The following NFXL1 variants were observed in gnomAD, a reference collection of about 807,000 sequenced individuals.
NFXL1 encodes nuclear transcription factor, X-box binding like 1, also known as NF-X1-type zinc finger protein NFXL1.
NFXL1 carries 66 observed loss-of-function variants against 123.3 expected under a neutral mutation model. The ratio of observed to expected loss-of-function variants is 0.54; its 90% CI spans 0.44 to 0.66. The LOEUF is 0.66. Ranked by LOEUF, NFXL1 falls within the 30% of genes least tolerant of loss-of-function variation. The probability of loss-of-function intolerance (pLI) is 0.00; values close to 1 mark genes in which losing one functional copy is unlikely to be tolerated. For synonymous variants in NFXL1, 346 were observed against 360.8 expected, an observed-to-expected ratio of 0.96 and a Z score of 0.46; for missense variants, 944 against 1,125.6, an observed-to-expected ratio of 0.84 and a Z score of 2.31.
intron 10 of NFXL1, among the ~76,000 whole-genome samples, chr4:47,895,915 CCTTT>C (rs1215392301): frequency 3.3e-5 from 5 of 152,272 alleles, no homozygotes; most frequent in African/African-American, 1.2e-4. Context: ...TGTGACTCTT[CCTTT>C]CACTTGAACA....
chr4:47,899,013 A>G lies in NFXL1; in HGVS notation c.934T>C (p.Cys312Arg). 1 of 1,614,092 alleles carries G rather than the reference A, an allele frequency of 6.2e-7. No individual in the cohort carries two copies. The highest frequency in any genetic ancestry group is 8.5e-7 in the Non-Finnish European group (1 of 1,180,002). Residue 312 changes from cysteine (C) to arginine (R), a missense_variant, in exon 7 of 23, where the codon TGT becomes CGT. Physicochemically the swap from Cys to Arg is radical, Grantham distance 180. This residue lies in a region of NFXL1 where 296 missense variants were observed against 395.1 expected (regional missense o/e 0.75). Coordinates refer to ENST00000507489, the MANE Select transcript of NFXL1 (RefSeq NM_001278624.2). ...SAKEWSCQLP[C>R]GQKLLCGQHK... ...TGCCCACAAAGCAACTTCTGTCCAC[A>G]TGGCAGCTGACAAGACCATTCCTTG...
rs151113647 is a variant in NFXL1, at chr4:47,885,635, T to C, written c.1687A>G (p.Thr563Ala). ...TGACAGCGATGTTTTTCTTGACTTG[T>C]ATGATGACAAGTTGGTGGTCGACTA... is the stretch of plus-strand genomic sequence containing the variant. The part of the protein sequence containing the change: ...QCSRPPTCHH[T>A]SQEKHRCHFG... Residue 563 changes from threonine to alanine, a missense_variant, in exon 14 of 23, where the codon ACA (threonine) becomes GCA (alanine). By Grantham distance (58) the Thr-to-Ala change is moderately conservative. Coordinates refer to ENST00000507489, the MANE Select transcript of NFXL1 (RefSeq NM_001278624.2). 5.5e-5 allele frequency: 88 copies of C among 1,613,632 alleles called. No homozygotes were observed. Among genetic ancestry groups the C allele is most frequent in the African/African-American group, 1.3e-4 (10 of 74,930 alleles).
intron 12 of NFXL1, 34 bp from the exon 13 acceptor site, chr4:47,886,033 T>C: frequency 6.2e-7 from 1 of 1,603,942 alleles, no homozygotes; most frequent in African/African-American, 1.3e-5. Context: ...AAAAGTTTCC[T>C]TAACTACCCA....
At chr4:47,884,126 G>C (rs950580760) in intron 15 of NFXL1, among the ~76,000 whole-genome samples, 1 of 152,022 alleles carries the variant, frequency 6.6e-6, no homozygotes, top group African/African-American at 2.4e-5. Context: ...CTCCAACTGG[G>C]GGTAAAGACT....
intron 11 of NFXL1, among the ~76,000 whole-genome samples, chr4:47,893,915 T>C (rs1736923169): frequency 2.4e-5 from 1 of 41,394 alleles, no homozygotes; most frequent in Admixed American, 2.4e-4. Flanking sequence ...TACATTTCAG[T>C]GATCAGAAAT....
intron 2 of NFXL1, among the ~76,000 whole-genome samples, chr4:47,912,237 A>G (rs192036588): frequency 2.0e-5 from 3 of 152,298 alleles, no homozygotes; most frequent in East Asian, 1.9e-4. Flanking sequence ...AAAAGAGATG[A>G]TAAATGTCAT....
In NFXL1 at chr4:47,903,313, C is replaced by T. The variant is rs1737428327; in HGVS notation, c.527G>A (p.Cys176Tyr). The change falls in exon 5 of 23, where the codon TGT (cysteine) becomes TAT (tyrosine). Residue 176 changes from cysteine to tyrosine, a missense_variant. By Grantham distance (194) the Cys-to-Tyr change is radical. Transcript: ENST00000507489. ...GTGAAATATACAGAAACATCCCGAACAGCTCCAAACCTAAGACAAATGTAT... is the reference window on the plus strand; with the variant it reads ...GTGAAATATACAGAAACATCCCGAATAGCTCCAAACCTAAGACAAATGTAT... ...SVKRNQAVWS[C>Y]SGCFCIFHMP... 1 of 1,547,092 alleles carries T rather than the reference C, an allele frequency of 6.5e-7. No individual in the cohort carries two copies. The highest frequency in any genetic ancestry group is 8.7e-7 in the Non-Finnish European group (1 of 1,151,488).
chr4:47,852,033 GT>G (rs979105565), intron 20 of NFXL1, 91 bp from the exon 21 acceptor site: 2 of 750,434 alleles, frequency 2.7e-6, no homozygotes, highest in African/African-American at 3.5e-5. Context: ...ATAGCTTAAG[GT>G]TATAAGTATT....
At position 47,851,941 on chromosome 4, in the gene NFXL1, T is replaced by G; in HGVS notation, c.2423A>C (p.Glu808Ala). The change falls in exon 21 of 23, where the codon GAA (glutamate) becomes GCA (alanine). Residue 808 changes from glutamate to alanine, a missense_variant and splice_region_variant. Around this residue, in one of 4 missense-constraint regions of NFXL1, gnomAD observed 301 missense variants for 348.0 expected, o/e 0.86. Coordinates refer to ENST00000507489, the MANE Select transcript of NFXL1 (RefSeq NM_001278624.2). ...TTCACGTACTTTGTTGCACTGCAAT[T>G]CCTACAAACAACCCGATTTTCAAAT... ...LRCPCKRIKK[E>A]LQCNKVRENQ... 1.2e-6 allele frequency: 2 copies of G among 1,603,328 alleles called. No homozygotes were observed. Among genetic ancestry groups the G allele is most frequent in the Non-Finnish European group, 1.7e-6 (2 of 1,171,302 alleles).
chr4:47,885,408 C>CTTAA, intron 14 of NFXL1, 90 bp downstream of exon 14: 1 of 1,067,078 alleles, frequency 9.4e-7, no homozygotes, highest in Non-Finnish European at 1.4e-6. Flanking sequence ...CCAATAAGTG[C>CTTAA]TTAATCATTG....
intron 22 of NFXL1, 71 bp from the exon 23 acceptor site, chr4:47,848,407 A>AAATCC: frequency 8.2e-7 from 1 of 1,221,772 alleles, no homozygotes; most frequent in Non-Finnish European, 1.2e-6. Flanking sequence ...ATTTACATAA[A>AAATCC]AATCAATTTG....
chr4:47,864,296 T>C (rs1734931236), intron 18 of NFXL1, among the ~76,000 whole-genome samples: 1 of 152,118 alleles, frequency 6.6e-6, no homozygotes, highest in Admixed American at 6.5e-5. Flanking sequence ...TATAATAATA[T>C]ATACATATTG....
At chr4:47,883,486 A>C (rs1283600565) in intron 15 of NFXL1, among the ~76,000 whole-genome samples, 2 of 152,170 alleles carry the variant, frequency 1.3e-5, no homozygotes, top group Admixed American at 1.3e-4. Flanking sequence ...CAAATAACTG[A>C]ATACCTACAT....
At chr4:47,870,048 A>G (rs1236401899) in intron 18 of NFXL1, among the ~76,000 whole-genome samples, 1 of 152,140 alleles carries the variant, frequency 6.6e-6, no homozygotes, top group Non-Finnish European at 1.5e-5. Flanking sequence ...AAATAGAGAA[A>G]GTTATCAAAA....
At chr4:47,894,152 CAG>C in intron 11 of NFXL1, 26 bp downstream of exon 11, 2 of 1,557,230 alleles carry the variant, frequency 1.3e-6, no homozygotes, top group Non-Finnish European at 1.7e-6. Flanking sequence ...GTCTTTAAAT[CAG>C]AGGTTTCCAA....
intron 19 of NFXL1, among the ~76,000 whole-genome samples, chr4:47,856,202 C>A (rs1412062128): frequency 6.6e-6 from 1 of 152,020 alleles, no homozygotes; most frequent in Admixed American, 6.6e-5. Context: ...AGACAAGTCA[C>A]CTGACTTCTC....
chr4:47,913,106 G>A (rs1241616510), intron 2 of NFXL1, among the ~76,000 whole-genome samples: 1 of 150,204 alleles, frequency 6.7e-6, no homozygotes, highest in African/African-American at 2.5e-5. Flanking sequence ...CATGCTAAGA[G>A]AATACCACCT....
At chr4:47,912,262 T>A (rs1003951680) in intron 2 of NFXL1, among the ~76,000 whole-genome samples, 6 of 152,008 alleles carry the variant, frequency 3.9e-5, no homozygotes, top group African/African-American at 1.4e-4. Flanking sequence ...ATACGGGAAA[T>A]TAGCACTTAA....
intron 11 of NFXL1, among the ~76,000 whole-genome samples, chr4:47,891,476 C>T (rs945148882): frequency 6.6e-5 from 10 of 152,154 alleles, no homozygotes; most frequent in Admixed American, 4.6e-4. Flanking sequence ...AGATAGGCTA[C>T]TTGCATCCAG....
Sources: gnomAD v4.1 joint callset for allele counts (sites outside exome capture counted in the v4.1 genomes callset) on GRCh38, gnomAD v4.1.1 for gene constraint, gnomAD v4.1.1 regional missense constraint, MANE v1.5 for transcripts, NCBI Gene and HGNC (gene_info 2026-07-23, HGNC 2026-07-21) for gene names.